The following PRTG variants were observed in gnomAD, a reference collection of about 807,000 sequenced individuals.
PRTG encodes immunoglobulin superfamily, DCC subclass, member 5.
A neutral mutation model predicts 122.5 loss-of-function variants in PRTG; 67 were observed. That is an observed-to-expected ratio of 0.55 (90% CI 0.45 to 0.67). PRTG has a LOEUF of 0.67. Ranked by LOEUF, PRTG falls within the 30% of genes least tolerant of loss-of-function variation. The pLI, the probability that PRTG is intolerant of heterozygous loss-of-function variation, is 0.00. For synonymous variants in PRTG, 554 were observed against 501.1 expected (o/e 1.11, Z -1.41); for missense variants, 1,435 against 1,415.4 (o/e 1.01, Z -0.22).
At chr15:55,633,444 C>T (rs944985092) in intron 15 of PRTG, among the ~76,000 whole-genome samples, 6 of 152,102 alleles carry the variant, frequency 3.9e-5, no homozygotes, top group African/African-American at 1.4e-4. Flanking sequence ...TATTGTACTA[C>T]CATGTACCAT....
chr15:55,641,879 G>A (rs934067812), intron 11 of PRTG, among the ~76,000 whole-genome samples: 1 of 152,036 alleles, frequency 6.6e-6, no homozygotes, highest in African/African-American at 2.4e-5. Flanking sequence ...TTTTTTCAGG[G>A]CTTTGAAAAA....
chr15:55,742,831 C>A lies in PRTG; in HGVS notation c.94+7G>T, dbSNP rs1294029092. The A allele has an allele frequency of 2.6e-6, 4 of 1,541,800 alleles. No homozygotes were observed. The South Asian group carries it at 3.6e-5, about 14-fold the overall frequency. On this transcript the variant is annotated splice_region_variant and intron_variant, in intron 1 of 19. Coordinates refer to ENST00000389286, the MANE Select transcript of PRTG (RefSeq NM_173814.6). ...CGGTAAGAGAAAGCAGAAGAAAGCG[C>A]GCCCACCTGGCAAAGGACTGAGCAG...
At position 55,683,837 on chromosome 15, in the gene PRTG, T is replaced by C; in HGVS notation, c.492A>G (p.Ala164=). Reference sequence around the variant, plus strand: ...TCCGATTGAACTCCCATGTTATGACTGCAGGAGGGTGGGATGAAATCTTGC... The same window carrying C: ...TCCGATTGAACTCCCATGTTATGACCGCAGGAGGGTGGGATGAAATCTTGC... ...FACKISSHPP[A]VITWEFNRTT... is the part of the protein sequence containing the mutation. Residue 164 remains alanine, a synonymous_variant, in exon 3 of 20, where the codon GCA becomes GCG. Transcript: ENST00000389286. 6.2e-7 allele frequency: 1 copy of C among 1,614,000 alleles called. No individual in the cohort carries two copies. The highest frequency in any genetic ancestry group is 8.5e-7 in the Non-Finnish European group (1 of 1,179,892).
intron 11 of PRTG, 59 bp from the exon 12 acceptor site, chr15:55,641,267 C>G (rs1270842333): frequency 8.1e-7 from 1 of 1,240,596 alleles, no homozygotes; most frequent in Non-Finnish European, 1.2e-6. Flanking sequence ...AGCAAAGGTT[C>G]TGAATGAAGC....
At chr15:55,634,371 T>C (rs1043675122) in intron 15 of PRTG, among the ~76,000 whole-genome samples, 2 of 152,136 alleles carry the variant, frequency 1.3e-5, no homozygotes, top group African/African-American at 2.4e-5. Flanking sequence ...CCTGGCTCTA[T>C]ACTGCTTCTT....
In PRTG at chr15:55,620,124, G is replaced by C. The variant is rs776279189; in HGVS notation, c.3341C>G (p.Ser1114Ter). The change falls in exon 20 of 20, where the codon TCA becomes TGA. Residue 1114 changes from serine to a stop codon, truncating the protein, a stop_gained. Coordinates refer to ENST00000389286, the MANE Select transcript of PRTG (RefSeq NM_173814.6). LOFTEE classifies it high-confidence loss of function. ...CTCATGGCTGCCTTCACTATTTGCT[G>C]AATGTTCTGTATCAGCTGCAACACC... is the stretch of plus-strand genomic sequence containing the variant. ...PFGVAADTEH[S>*]ANSEGSHETG... 1 of 1,614,196 alleles carries C rather than the reference G, an allele frequency of 6.2e-7. No individual in the cohort carries two copies. The highest frequency in any genetic ancestry group is 8.5e-7 in the Non-Finnish European group (1 of 1,180,040).
chr15:55,618,585 T>G lies in PRTG; in HGVS notation c.*1427A>C, dbSNP rs368443547. 6.6e-6 allele frequency: 1 copy of G among 152,168 alleles called. No individual in the cohort carries two copies. The highest frequency in any genetic ancestry group is 1.5e-5 in the Non-Finnish European group (1 of 68,038). 9.4% of individuals were successfully genotyped at this position (152,168 alleles called of 1,614,324 possible). A position where few individuals can be genotyped will look rare whatever the true frequency, so the allele number is the denominator to read the frequency against. ...TGCTGATTTCAAACCTGCAAGAGGATTAACTCACTCCTGGAGTTAGCATTC... is the reference window on the plus strand; with the variant it reads ...TGCTGATTTCAAACCTGCAAGAGGAGTAACTCACTCCTGGAGTTAGCATTC... On this transcript the variant is annotated 3_prime_UTR_variant, in exon 20 of 20. Transcript: ENST00000389286.
At chr15:55,704,797 G>A (rs974782039) in intron 2 of PRTG, among the ~76,000 whole-genome samples, 1 of 152,096 alleles carries the variant, frequency 6.6e-6, no homozygotes. Flanking sequence ...TCTCATAGCT[G>A]TTAAATTAAA....
At chr15:55,730,197 G>C (rs1282846906) in intron 2 of PRTG, among the ~76,000 whole-genome samples, 1 of 152,066 alleles carries the variant, frequency 6.6e-6, no homozygotes, top group Non-Finnish European at 1.5e-5. Context: ...CGCCTCCCAG[G>C]TTCAAGAGAT....
chr15:55,689,754 C>A (rs184435309), intron 2 of PRTG, among the ~76,000 whole-genome samples: 5 of 151,966 alleles, frequency 3.3e-5, no homozygotes, highest in Non-Finnish European at 5.9e-5. Flanking sequence ...GGTGAAACCC[C>A]GTCTCTACTA....
chr15:55,740,179 T>C (rs2031562665), intron 2 of PRTG, among the ~76,000 whole-genome samples: 2 of 152,250 alleles, frequency 1.3e-5, no homozygotes, highest in Admixed American at 6.5e-5. Flanking sequence ...TAAACCTAAT[T>C]TGACTTCTGT....
At chr15:55,723,541 T>C (rs1311415418) in intron 2 of PRTG, among the ~76,000 whole-genome samples, 1 of 152,034 alleles carries the variant, frequency 6.6e-6, no homozygotes, top group Non-Finnish European at 1.5e-5. Context: ...CTGAAAATTT[T>C]CTGAATTTGA....
At chr15:55,698,580 C>T (rs924769036) in intron 2 of PRTG, among the ~76,000 whole-genome samples, 10 of 152,276 alleles carry the variant, frequency 6.6e-5, no homozygotes, top group African/African-American at 2.4e-4. Flanking sequence ...CATGAGCTGC[C>T]ACGCTCAGCC....
chr15:55,725,645 C>T (rs2031003914), intron 2 of PRTG, among the ~76,000 whole-genome samples: 1 of 151,778 alleles, frequency 6.6e-6, no homozygotes, highest in Non-Finnish European at 1.5e-5. Context: ...AGCAAAATGG[C>T]AGAAGTCCTT....
At chr15:55,624,074 C>G (rs1199440868) in intron 18 of PRTG, among the ~76,000 whole-genome samples, 1 of 152,008 alleles carries the variant, frequency 6.6e-6, no homozygotes, top group African/African-American at 2.4e-5. Flanking sequence ...ATAATCTCAT[C>G]TAACTGAGAT....
chr15:55,726,308 C>T (rs1394979237), intron 2 of PRTG, among the ~76,000 whole-genome samples: 11 of 152,018 alleles, frequency 7.2e-5, no homozygotes, highest in Non-Finnish European at 1.3e-4. Flanking sequence ...AACTCCTGAC[C>T]TCAGGTGATC....
chr15:55,653,780 T>C (rs1216711634), intron 11 of PRTG, among the ~76,000 whole-genome samples: 1 of 152,204 alleles, frequency 6.6e-6, no homozygotes, highest in African/African-American at 2.4e-5. Context: ...TTTCTATGTT[T>C]AAAACCTCCC....
At chr15:55,701,084 C>T (rs1222015457) in intron 2 of PRTG, among the ~76,000 whole-genome samples, 1 of 152,158 alleles carries the variant, frequency 6.6e-6, no homozygotes, top group African/African-American at 2.4e-5. Flanking sequence ...CACTACACAC[C>T]TGTTAGAATG....
Position 55,611,702 on chromosome 15 carries a change from G to C in PRTG, c.*8310C>G, listed in dbSNP as rs1393220697. The stretch of plus-strand genomic sequence containing the variant: ...CCAGTGGGGTGGGGGCAAGTACTAA[G>C]CAATATTTACTATGATACTAGAAAA... On this transcript the variant is annotated 3_prime_UTR_variant, in exon 20 of 20. Coordinates refer to ENST00000389286, the MANE Select transcript of PRTG (RefSeq NM_173814.6). 1 of 151,004 alleles carries C rather than the reference G, an allele frequency of 6.6e-6. No individual in the cohort carries two copies. Among genetic ancestry groups the C allele is most frequent in the Non-Finnish European group, 1.5e-5 (1 of 67,760 alleles). 9.4% of individuals were successfully genotyped at this position (151,004 alleles called of 1,614,324 possible).
Sources: gnomAD v4.1 joint callset for allele counts (sites outside exome capture counted in the v4.1 genomes callset) on GRCh38, gnomAD v4.1.1 for gene constraint, MANE v1.5 for transcripts, NCBI Gene and HGNC (gene_info 2026-07-23, HGNC 2026-07-21) for gene names.